IL1RAPL2: variants seen among roughly 807,000 people sequenced by gnomAD.
IL1RAPL2 encodes X-linked interleukin-1 receptor accessory protein-like 2.
IL1RAPL2 carries 3 observed loss-of-function variants against 44.1 expected under a neutral mutation model. The observed-to-expected ratio is 0.07, with a 90% CI of 0.03 to 0.18. The LOEUF is 0.18. Ranked by LOEUF, IL1RAPL2 falls within the 10% of genes least tolerant of loss-of-function variation. The pLI is 1.00. For missense variants in IL1RAPL2, 391 were observed against 496.4 expected, an observed-to-expected ratio of 0.79 and a Z score of 2.02; for synonymous variants, 181 against 178.8, an observed-to-expected ratio of 1.01 and a Z score of -0.10.
chrX:104,897,611 T>A (rs912178365), intron 2 of IL1RAPL2, among the ~76,000 whole-genome samples: 1 of 112,525 alleles, frequency 8.9e-6, no homozygotes, highest in African/African-American at 3.2e-5. Context: ...ATAAAAGTTA[T>A]GCAGGATAGA....
intron 8 of IL1RAPL2, among the ~76,000 whole-genome samples, chrX:105,745,504 G>A (rs2038533452): frequency 9.0e-6 from 1 of 111,373 alleles, no homozygotes; most frequent in South Asian, 3.8e-4. Flanking sequence ...CAAGATCAAG[G>A]TACTAACAGA....
intron 6 of IL1RAPL2, among the ~76,000 whole-genome samples, chrX:105,530,463 T>A (rs2147792673): frequency 9.0e-6 from 1 of 111,112 alleles, no homozygotes; most frequent in Non-Finnish European, 1.9e-5. Context: ...TTTGTGTGGA[T>A]ACATAGTAGG....
intron 2 of IL1RAPL2, among the ~76,000 whole-genome samples, chrX:104,924,734 C>T (rs1043102950): frequency 3.6e-5 from 4 of 110,621 alleles, no homozygotes; most frequent in East Asian, 2.8e-4. Flanking sequence ...TAAATGCCTA[C>T]GTCAAAAAGG....
chrX:105,104,107 T>C, intron 2 of IL1RAPL2, among the ~76,000 whole-genome samples: 1 of 111,355 alleles, frequency 9.0e-6, no homozygotes, highest in East Asian at 2.8e-4. Context: ...ATTAGTGGGT[T>C]CTAGTTTAGC....
intron 9 of IL1RAPL2, among the ~76,000 whole-genome samples, chrX:105,751,166 C>T (rs1345800016): frequency 9.1e-6 from 1 of 110,050 alleles, no homozygotes; most frequent in Admixed American, 9.7e-5. Flanking sequence ...ACCAGATAGT[C>T]GTGGGGGCCG....
At chrX:104,806,184 G>A (rs1261676209) in intron 2 of IL1RAPL2, among the ~76,000 whole-genome samples, 3 of 111,961 alleles carry the variant, frequency 2.7e-5, no homozygotes, top group African/African-American at 9.7e-5. Context: ...TTGCAGTTTA[G>A]ATGGACAAGA....
intron 5 of IL1RAPL2, among the ~76,000 whole-genome samples, chrX:105,407,989 C>A (rs1331897901): frequency 9.0e-6 from 1 of 111,635 alleles, no homozygotes; most frequent in Non-Finnish European, 1.9e-5. Context: ...TTACATAGGG[C>A]CAGCTTAGAA....
intron 6 of IL1RAPL2, among the ~76,000 whole-genome samples, chrX:105,644,323 A>G (rs1359924355): frequency 9.0e-6 from 1 of 111,605 alleles, no homozygotes; most frequent in East Asian, 2.8e-4. Context: ...GCAGCTCAGA[A>G]GTTGATCTCT....
At chrX:105,764,275 C>G (rs1463269988) in intron 10 of IL1RAPL2, among the ~76,000 whole-genome samples, 1 of 111,425 alleles carries the variant, frequency 9.0e-6, no homozygotes, top group African/African-American at 3.3e-5. Flanking sequence ...CCCAAGAACC[C>G]TAAATATTGC....
chrX:105,042,446 A>C (rs2031761246), intron 2 of IL1RAPL2, among the ~76,000 whole-genome samples: 1 of 109,670 alleles, frequency 9.1e-6, no homozygotes, highest in South Asian at 4.0e-4. Flanking sequence ...TCAAAAGAAG[A>C]CATTTATGCA....
At chrX:104,715,483 T>G (rs1931544315) in intron 2 of IL1RAPL2, among the ~76,000 whole-genome samples, 1 of 107,421 alleles carries the variant, frequency 9.3e-6, no homozygotes, top group African/African-American at 3.4e-5. Context: ...TGTCTCTATC[T>G]CCTTCAGTTG....
intron 2 of IL1RAPL2, among the ~76,000 whole-genome samples, chrX:105,058,035 G>A (rs751184165): frequency 1.9e-5 from 2 of 105,552 alleles, no homozygotes; most frequent in South Asian, 4.4e-4. Flanking sequence ...TGCAAGCTCC[G>A]CCTCCCGGGT....
intron 2 of IL1RAPL2, among the ~76,000 whole-genome samples, chrX:105,095,108 T>A (rs1369221666): frequency 8.9e-6 from 1 of 111,824 alleles, no homozygotes; most frequent in African/African-American, 3.2e-5. Context: ...TATATGCAAA[T>A]AGATAGTTTT....
rs190771201 is a variant in IL1RAPL2, at chrX:105,274,744, A to T, written c.697+7203A>T. 7.8e-3 allele frequency among the ~76,000 whole-genome samples: 873 copies of T among 112,008 alleles called. 2 individuals are homozygous for T. Among genetic ancestry groups the T allele is most frequent in the Middle Eastern group, 0.014 (3 of 216 alleles). On this transcript the variant is annotated intron_variant, in intron 5 of 10. Coordinates refer to ENST00000372582, the MANE Select transcript of IL1RAPL2 (RefSeq NM_017416.2). ...AGATTTCCAAGAGAGAAAGAAGAGG[A>T]AAGGAGAGGAGAGGAAGAAAGGAGA...
chrX:105,671,034 G>A (rs1379140233), intron 6 of IL1RAPL2, among the ~76,000 whole-genome samples: 2 of 109,758 alleles, frequency 1.8e-5, no homozygotes, highest in East Asian at 2.8e-4. Context: ...TGCAACCTCC[G>A]CCTCCCAGGT....
At chrX:104,635,760 G>T (rs1007681436) in intron 1 of IL1RAPL2, among the ~76,000 whole-genome samples, 1 of 111,235 alleles carries the variant, frequency 9.0e-6, no homozygotes, top group Non-Finnish European at 1.9e-5. Flanking sequence ...TTTTTTCAAG[G>T]TTTTTAACTT....
chrX:105,619,196 T>A (rs2037401828), intron 6 of IL1RAPL2, among the ~76,000 whole-genome samples: 1 of 106,090 alleles, frequency 9.4e-6, no homozygotes, highest in South Asian at 4.1e-4. Flanking sequence ...AGCAGTTCTC[T>A]GAAACAGGGA....
chrX:104,808,580 G>C (rs1321169694), intron 2 of IL1RAPL2, among the ~76,000 whole-genome samples: 1 of 111,522 alleles, frequency 9.0e-6, no homozygotes, highest in Non-Finnish European at 1.9e-5. Context: ...CAAGAGCCAA[G>C]TTAGCAAGCC....
At chrX:105,022,426 C>T (rs1029900668) in intron 2 of IL1RAPL2, among the ~76,000 whole-genome samples, 1 of 111,419 alleles carries the variant, frequency 9.0e-6, no homozygotes, top group Non-Finnish European at 1.9e-5. Flanking sequence ...CACAGTCACA[C>T]GTATTAAATG....
Sources: allele counts gnomAD v4.1 joint callset (sites outside exome capture counted in the v4.1 genomes callset), GRCh38; gene constraint gnomAD v4.1.1; transcripts MANE v1.5; gene names NCBI Gene and HGNC (gene_info 2026-07-23, HGNC 2026-07-21).